The following MBL2 variants were observed in gnomAD, a reference collection of about 807,000 sequenced individuals.
MBL2 encodes mannose binding lectin 2, also known as mannose-binding protein C.
MBL2 carries 6 observed loss-of-function variants against 12.7 expected under a neutral mutation model. The observed-to-expected ratio is 0.47, with a 90% CI of 0.26 to 0.94. The LOEUF (loss-of-function observed/expected upper bound fraction) is 0.94, where lower values mean the gene tolerates loss of function less well. MBL2 is among the 40% of genes least tolerant of loss of function. The probability of loss-of-function intolerance (pLI) is 0.15; values close to 1 mark genes in which losing one functional copy is unlikely to be tolerated. For synonymous variants in MBL2, 114 were observed against 112.0 expected (o/e 1.02, Z -0.11); for missense variants, 307 against 295.2 (o/e 1.04, Z -0.29).
intron 4 of MBL2, 53 bp downstream of exon 4, chr10:52,769,194 A>C (rs1460418763): frequency 8.2e-7 from 1 of 1,219,400 alleles, no homozygotes; most frequent in Non-Finnish European, 1.2e-6. Context: ...TATTTGTTGC[A>C]TTCTATTTTT....
At chr10:52,770,604 C>T in intron 3 of MBL2, 66 bp downstream of exon 3, 2 of 1,025,872 alleles carry the variant, frequency 1.9e-6, no homozygotes, top group Non-Finnish European at 2.7e-6. Context: ...AGGGGCACCT[C>T]TTACCAGATA....
chr10:52,770,882 C>T (rs34077139), intron 2 of MBL2, 96 bp from the exon 3 acceptor site: 7,684 of 591,980 alleles, frequency 0.013, 93 homozygotes, highest in Non-Finnish European at 0.014. Flanking sequence ...AGAAAGGAGA[C>T]CTTGACCCAG....
intron 4 of MBL2, among the ~76,000 whole-genome samples, 179 bp downstream of exon 4, chr10:52,769,068 A>G (rs1284681406): frequency 2.6e-5 from 4 of 152,022 alleles, no homozygotes; most frequent in Non-Finnish European, 4.4e-5. Flanking sequence ...GTGCATTTGA[A>G]CAAGTAATTT....
rs1044965211 is a variant in MBL2 at position 52,769,236 on chromosome 10, A to T, written c.373+11T>A. On this transcript the variant is annotated intron_variant, in intron 4 of 4. Transcript: ENST00000674931. ...CTTCAAGCTGCCTGGAGAGTAAGAG[A>T]AAAAGCTTACACTTTTTGATACGTG... 5.6e-6 allele frequency: 9 copies of T among 1,595,912 alleles called. 1 individual carries two copies. The highest frequency in any genetic ancestry group is 5.3e-5 in the Admixed American group (3 of 56,852).
chr10:52,771,444 C>T lies in MBL2; in HGVS notation c.187+5G>A, dbSNP rs192251459. 4.6e-4 allele frequency: 748 copies of T among 1,613,452 alleles called. 3 individuals are homozygous for T. In the African/African-American group the frequency reaches 8.1e-3, roughly 17 times the overall value. ...ATTGCAGAGACAGAACAGCCCAACACGTACCTGGTTCCCCCTTTTCTCCCT... is the reference window on the plus strand; with the variant it reads ...ATTGCAGAGACAGAACAGCCCAACATGTACCTGGTTCCCCCTTTTCTCCCT... On this transcript the variant is annotated splice_donor_5th_base_variant and intron_variant, in intron 2 of 4. Transcript: ENST00000674931.
Position 52,768,031 on chromosome 10 carries a change from G to T in MBL2, c.*106C>A. 7.1e-7 allele frequency: 1 copy of T among 1,403,476 alleles called. No individual in the cohort carries two copies. Among genetic ancestry groups the T allele is most frequent in the South Asian group, 1.5e-5 (1 of 67,104 alleles). 86.9% of individuals were successfully genotyped at this position (1,403,476 alleles called of 1,614,324 possible). On this transcript the variant is annotated 3_prime_UTR_variant, in exon 5 of 5. Transcript: ENST00000674931. ...CATTTTTAGTGATTGCCCACAAAAG[G>T]AACAATACTGGATATGAGGAAATTG...
intron 4 of MBL2, 94 bp from the exon 5 acceptor site, chr10:52,768,604 T>C: frequency 2.5e-6 from 2 of 793,768 alleles, no homozygotes; most frequent in African/African-American, 1.7e-5. Flanking sequence ...AGTTGCCGGA[T>C]AAAATATAGT....
intron 3 of MBL2, 96 bp from the exon 4 acceptor site, chr10:52,769,411 A>T (rs1046933165): frequency 1.5e-6 from 1 of 674,260 alleles, no homozygotes; most frequent in Non-Finnish European, 2.5e-6. Context: ...AAACTGAAAA[A>T]AAAAGCTTAT....
Position 52,770,775 on chromosome 10 carries a change from T to C in MBL2, c.199A>G (p.Arg67Gly). ...TTTCCAGGGGGGCCCTGTAAGCCTC[T>C]GAGCCCTTGGCCTGTTGGAAGACAA... ...GEKGEPGQGL[R>G]GLQGPPGKLG... The change falls in exon 3 of 5, where the codon AGA becomes GGA. Residue 67 changes from arginine (R) to glycine (G), a missense_variant. Coordinates refer to ENST00000674931, the MANE Select transcript of MBL2 (RefSeq NM_001378373.1). 6.8e-7 allele frequency: 1 copy of C among 1,479,728 alleles called. No homozygotes were observed. Among genetic ancestry groups the C allele is most frequent in the Non-Finnish European group, 9.0e-7 (1 of 1,109,486 alleles). 91.7% of individuals were successfully genotyped at this position (1,479,728 alleles called of 1,614,324 possible). A position where few individuals can be genotyped will look rare whatever the true frequency, so the allele number is the denominator to read the frequency against.
rs1038428662 is a variant in MBL2 at position 52,769,171 on chromosome 10, T to C, written c.373+76A>G. ...GCCTAGCAGGGTACAGAAAATTATA[T>C]GCATTCAACAAATATTTGTTGCATT... On this transcript the variant is annotated intron_variant, in intron 4 of 4. Coordinates refer to ENST00000674931, the MANE Select transcript of MBL2 (RefSeq NM_001378373.1). The C allele has an allele frequency of 2.6e-5, 24 of 917,568 alleles. No individual in the cohort carries two copies. The East Asian group carries it at 4.4e-4, about 17-fold the overall frequency. 56.8% of individuals were successfully genotyped at this position (917,568 alleles called of 1,614,324 possible). A position where few individuals can be genotyped will look rare whatever the true frequency, so the allele number is the denominator to read the frequency against.
Position 52,768,461 on chromosome 10 carries a change from G to T in MBL2, c.423C>A (p.Thr141=), listed in dbSNP as rs768067149. ...TTTCAAAGGTCATTATTTCACCATT[G>T]GTCAGGAAGAACTTGTTCCCAACTT... ...GKQVGNKFFL[T]NGEIMTFEKV... Residue 141 remains threonine, a synonymous_variant, in exon 5 of 5, where the codon ACC becomes ACA. Coordinates refer to ENST00000674931, the MANE Select transcript of MBL2 (RefSeq NM_001378373.1). The T allele has an allele frequency of 1.0e-5, 16 of 1,602,346 alleles. No individual in the cohort carries two copies. The Middle Eastern group carries it at 5.0e-4, about 50-fold the overall frequency.
chr10:52,770,293 T>C (rs943005995), intron 3 of MBL2, among the ~76,000 whole-genome samples: 1 of 152,226 alleles, frequency 6.6e-6, no homozygotes, highest in African/African-American at 2.4e-5. Flanking sequence ...TGGTTTCTTA[T>C]GAAGTAAAAT....
Position 52,771,466 on chromosome 10 carries a change from C to G in MBL2, c.170G>C (p.Gly57Ala). The G allele has an allele frequency of 6.2e-7, 1 of 1,613,762 alleles. No homozygotes were observed. The highest frequency in any genetic ancestry group is 8.5e-7 in the Non-Finnish European group (1 of 1,179,844). The change falls in exon 2 of 5, where the codon GGA becomes GCA. Residue 57 changes from glycine to alanine, a missense_variant. Transcript: ENST00000674931. ...ACACGTACCTGGTTCCCCCTTTTCT[C>G]CCTTGGTGCCATCACGCCCATCTTT... ...PGKDGRDGTK[G>A]EKGEPGQGLR...
In MBL2 at chr10:52,771,489, T is replaced by C; in HGVS notation, c.147A>G (p.Lys49=). The change falls in exon 2 of 5, where the codon AAA becomes AAG. Residue 49 remains lysine, a synonymous_variant. Coordinates refer to ENST00000674931, the MANE Select transcript of MBL2 (RefSeq NM_001378373.1). ...SSPGINGFPG[K]DGRDGTKGEK... Reference sequence around the variant, plus strand: ...CTCCCTTGGTGCCATCACGCCCATCTTTGCCTGGGAAGCCGTTGATGCCTG... The same window carrying C: ...CTCCCTTGGTGCCATCACGCCCATCCTTGCCTGGGAAGCCGTTGATGCCTG... 1.2e-6 allele frequency: 2 copies of C among 1,613,880 alleles called. No individual in the cohort carries two copies. The highest frequency in any genetic ancestry group is 1.7e-6 in the Non-Finnish European group (2 of 1,179,854).
intron 1 of MBL2, 101 bp downstream of exon 1, chr10:52,772,636 T>A: frequency 1.9e-4 from 89 of 458,674 alleles, no homozygotes; most frequent in South Asian, 2.8e-4. Context: ...TCCATCCCAC[T>A]CCCCCCACCC....
intron 1 of MBL2, among the ~76,000 whole-genome samples, chr10:52,771,948 C>T (rs1390200946): frequency 6.6e-6 from 1 of 152,174 alleles, no homozygotes; most frequent in Admixed American, 6.5e-5. Flanking sequence ...ACAAATGGGA[C>T]CGTGCATTGC....
intron 3 of MBL2, 93 bp from the exon 4 acceptor site, chr10:52,769,408 A>C (rs1840357487): frequency 1.5e-6 from 1 of 673,636 alleles, no homozygotes; most frequent in Admixed American, 2.8e-5. Context: ...TTCAAACTGA[A>C]AAAAAAAGCT....
At position 52,768,020 on chromosome 10, in the gene MBL2, G is replaced by T. The variant is rs1436389177; in HGVS notation, c.*117C>A. On this transcript the variant is annotated 3_prime_UTR_variant, in exon 5 of 5. Coordinates refer to ENST00000674931, the MANE Select transcript of MBL2 (RefSeq NM_001378373.1). ...CTGTTAGTGATCATTTTTAGTGATTGCCCACAAAAGGAACAATACTGGATA... is the reference window on the plus strand; with the variant it reads ...CTGTTAGTGATCATTTTTAGTGATTTCCCACAAAAGGAACAATACTGGATA... The T allele has an allele frequency of 5.4e-6, 7 of 1,292,854 alleles. No homozygotes were observed. The highest frequency in any genetic ancestry group is 3.4e-5 in the South Asian group (2 of 59,388). The allele number at this position is 1,292,854 out of a possible 1,614,324, so 80.1% of individuals were successfully genotyped here. A position where few individuals can be genotyped will look rare whatever the true frequency, so the allele number is the denominator to read the frequency against.
At position 52,766,270 on chromosome 10, in the gene MBL2, AG is replaced by A. The variant is rs1840303494; in HGVS notation, c.*1866del. The stretch of plus-strand genomic sequence containing the variant: ...GAAATCTTGACTTTAAGAAGAACAA[AG>A]CTGGACTATAGTTACAACTATAAAT... On this transcript the variant is annotated 3_prime_UTR_variant, in exon 5 of 5. Transcript: ENST00000674931. The A allele has an allele frequency of 6.6e-6, 1 of 152,258 alleles. No individual in the cohort carries two copies. Among genetic ancestry groups the A allele is most frequent in the Non-Finnish European group, 1.5e-5 (1 of 68,004 alleles). 9.4% of individuals were successfully genotyped at this position (152,258 alleles called of 1,614,324 possible). A position where few individuals can be genotyped will look rare whatever the true frequency, so the allele number is the denominator to read the frequency against.
Sources: gnomAD v4.1 joint callset for allele counts (sites outside exome capture counted in the v4.1 genomes callset) on GRCh38, gnomAD v4.1.1 for gene constraint, MANE v1.5 for transcripts, NCBI Gene and HGNC (gene_info 2026-07-23, HGNC 2026-07-21) for gene names.